The following DNAJC1 variants were observed in gnomAD, a reference collection of about 807,000 sequenced individuals.
The protein encoded by DNAJC1 is dnaJ homolog subfamily C member 1.
DNAJC1 carries 58 observed loss-of-function variants against 76.6 expected under a neutral mutation model. The observed-to-expected ratio is 0.76, with a 90% CI of 0.61 to 0.94. The LOEUF is 0.94. Ranked by LOEUF, DNAJC1 falls within the 40% of genes least tolerant of loss-of-function variation. The pLI is 0.00. For synonymous variants in DNAJC1, 258 were observed against 267.9 expected (o/e 0.96, Z 0.36); for missense variants, 689 against 677.3 (o/e 1.02, Z -0.19).
intron 8 of DNAJC1, among the ~76,000 whole-genome samples, chr10:21,841,958 G>A (rs1203164259): frequency 6.6e-6 from 1 of 151,968 alleles, no homozygotes; most frequent in African/African-American, 2.4e-5. Flanking sequence ...GGACATGGAT[G>A]AAACTGGAAA....
intron 8 of DNAJC1, among the ~76,000 whole-genome samples, chr10:21,828,215 C>T (rs922418496): frequency 6.6e-6 from 1 of 152,152 alleles, no homozygotes; most frequent in Non-Finnish European, 1.5e-5. Flanking sequence ...CTGATCTAGG[C>T]TGGGGTCTGC....
chr10:21,903,336 A>G (rs1836689650), intron 7 of DNAJC1, among the ~76,000 whole-genome samples: 2 of 152,248 alleles, frequency 1.3e-5, no homozygotes, highest in African/African-American at 4.8e-5. Flanking sequence ...AAAAATGACA[A>G]GAGTTTCATT....
chr10:21,889,642 A>G (rs1053136937), intron 7 of DNAJC1, among the ~76,000 whole-genome samples: 55 of 152,322 alleles, frequency 3.6e-4, no homozygotes, highest in African/African-American at 1.3e-3. Context: ...GGTCAGTTCT[A>G]CGAGTTTTCT....
rs1417746587 is a variant in DNAJC1, at chr10:21,837,680, G to A, written c.979-31581C>T. Among the ~76,000 whole-genome samples the A allele has an allele frequency of 2.5e-4, 37 of 150,076 alleles. No individual in the cohort carries two copies. In the South Asian group the frequency reaches 5.1e-3, roughly 21 times the overall value. ...TGAGGAGCCCCTCCGCCCGGCAGCC[G>A]CCCCGTCTGGGAAGTGAGGAGCCCC... On this transcript the variant is annotated intron_variant, in intron 8 of 11. Coordinates refer to ENST00000376980, the MANE Select transcript of DNAJC1 (RefSeq NM_022365.4).
intron 9 of DNAJC1, among the ~76,000 whole-genome samples, chr10:21,790,853 G>C (rs1589981753): frequency 1.3e-5 from 2 of 152,032 alleles, no homozygotes; most frequent in African/African-American, 4.8e-5. Context: ...CAAAATGACA[G>C]GAGTAAGTCC....
chr10:21,969,552 T>C (rs1837945469), intron 1 of DNAJC1, among the ~76,000 whole-genome samples: 1 of 152,196 alleles, frequency 6.6e-6, no homozygotes, highest in African/African-American at 2.4e-5. Context: ...AGCAATTCCT[T>C]AGCCAGTTGA....
intron 1 of DNAJC1, among the ~76,000 whole-genome samples, chr10:21,938,786 G>T (rs931397151): frequency 6.6e-6 from 1 of 152,178 alleles, no homozygotes; most frequent in African/African-American, 2.4e-5. Context: ...TTTTAGGTGT[G>T]CCAGGTAGTA....
At chr10:21,865,706 T>C (rs1015812027) in intron 8 of DNAJC1, 2 of 152,152 alleles carry the variant, frequency 1.3e-5, no homozygotes, top group Non-Finnish European at 2.9e-5. Flanking sequence ...TAAATATGTC[T>C]AGTTTATTTT....
intron 8 of DNAJC1, among the ~76,000 whole-genome samples, chr10:21,830,253 C>G (rs776292854): frequency 1.3e-5 from 2 of 152,194 alleles, no homozygotes; most frequent in Non-Finnish European, 2.9e-5. Context: ...CTTGCTGAAG[C>G]ACATCCTTAA....
At chr10:21,831,280 A>G (rs1835353067) in intron 8 of DNAJC1, among the ~76,000 whole-genome samples, 1 of 152,180 alleles carries the variant, frequency 6.6e-6, no homozygotes, top group South Asian at 2.1e-4. Flanking sequence ...CTTTGAGAGC[A>G]GGCTAGAGGC....
intron 8 of DNAJC1, among the ~76,000 whole-genome samples, chr10:21,834,263 C>CAA (rs58380433): frequency 6.7e-6 from 1 of 148,678 alleles, no homozygotes; most frequent in Non-Finnish European, 1.5e-5. Flanking sequence ...GACTCCATCT[C>CAA]AAAAAAAAAT....
chr10:21,916,968 T>A (rs1466791197), intron 6 of DNAJC1, among the ~76,000 whole-genome samples: 1 of 152,080 alleles, frequency 6.6e-6, no homozygotes, highest in Non-Finnish European at 1.5e-5. Flanking sequence ...TCATCTTAAT[T>A]TTCTTCTTGA....
rs376546338 is a variant in DNAJC1 at position 21,905,585 on chromosome 10, T to G, written c.730-973A>C. On this transcript the variant is annotated intron_variant, in intron 6 of 11. Coordinates refer to ENST00000376980, the MANE Select transcript of DNAJC1 (RefSeq NM_022365.4). ...GTTTTTCTGACCTTCTCTGGCAGTG[T>G]AATTCTCCCTTGTACACTACTTCTA... Among the ~76,000 whole-genome samples, 18 of 152,206 alleles carry G rather than the reference T, an allele frequency of 1.2e-4. No homozygotes were observed. In the East Asian group the frequency reaches 1.5e-3, roughly 13 times the overall value.
intron 1 of DNAJC1, among the ~76,000 whole-genome samples, chr10:21,934,685 G>T (rs1439208394): frequency 6.6e-6 from 1 of 152,138 alleles, no homozygotes; most frequent in African/African-American, 2.4e-5. Context: ...TTGTAGCCCA[G>T]GAGCAATAGG....
intron 8 of DNAJC1, among the ~76,000 whole-genome samples, chr10:21,877,029 C>T (rs759670257): frequency 6.6e-6 from 1 of 152,030 alleles, no homozygotes; most frequent in Non-Finnish European, 1.5e-5. Context: ...AATCCTAACA[C>T]TTTGGGAGGC....
chr10:21,782,412 C>G (rs1834543642), intron 9 of DNAJC1, among the ~76,000 whole-genome samples: 1 of 152,030 alleles, frequency 6.6e-6, no homozygotes, highest in Non-Finnish European at 1.5e-5. Context: ...GCCTACCAAC[C>G]AAAAAAAGTC....
chr10:21,845,135 TC>T (rs1835635570), intron 8 of DNAJC1, among the ~76,000 whole-genome samples: 1 of 152,154 alleles, frequency 6.6e-6, no homozygotes, highest in Non-Finnish European at 1.5e-5. Flanking sequence ...GTAAAAGCCT[TC>T]CTAGATAATA....
At chr10:21,849,291 T>TAAA (rs1564807225) in intron 8 of DNAJC1, among the ~76,000 whole-genome samples, 2 of 4,814 alleles carry the variant, frequency 4.2e-4, no homozygotes, top group African/African-American at 8.8e-4. Context: ...GGACTCCGCC[T>TAAA]CAAAAAAAAA....
At chr10:21,963,472 G>T (rs1202146990) in intron 1 of DNAJC1, among the ~76,000 whole-genome samples, 1 of 152,196 alleles carries the variant, frequency 6.6e-6, no homozygotes, top group Non-Finnish European at 1.5e-5. Context: ...TTTTAAGTTA[G>T]ATAGAATAAA....
Sources: gnomAD v4.1 joint callset for allele counts (sites outside exome capture counted in the v4.1 genomes callset) on GRCh38, gnomAD v4.1.1 for gene constraint, MANE v1.5 for transcripts, NCBI Gene and HGNC (gene_info 2026-07-23, HGNC 2026-07-21) for gene names.